KDM7A: variants seen among roughly 807,000 people sequenced by gnomAD.
KDM7A encodes the protein lysine demethylase 7A.
A neutral mutation model predicts 114.8 loss-of-function variants in KDM7A; 28 were observed. That is an observed-to-expected ratio of 0.24 (90% CI 0.18 to 0.33). The LOEUF (loss-of-function observed/expected upper bound fraction) is 0.33. KDM7A is among the 10% of genes least tolerant of loss of function. KDM7A has a pLI of 1.00. For synonymous variants in KDM7A, 423 were observed against 397.8 expected, an observed-to-expected ratio of 1.06 and a Z score of -0.75; for missense variants, 942 against 1,142.5, an observed-to-expected ratio of 0.82 and a Z score of 2.53.
At chr7:140,095,877 A>AAAAT (rs1186237053) in intron 17 of KDM7A, among the ~76,000 whole-genome samples, 9 of 152,178 alleles carry the variant, frequency 5.9e-5, no homozygotes, top group African/African-American at 1.7e-4. Flanking sequence ...AGACAGTCTC[A>AAAAT]AAATAAATAA....
At chr7:140,134,364 G>C (rs968313649) in intron 2 of KDM7A, among the ~76,000 whole-genome samples, 6 of 152,086 alleles carry the variant, frequency 3.9e-5, no homozygotes, top group Non-Finnish European at 5.9e-5. Flanking sequence ...AACACCTATG[G>C]ATCCAGATTC....
chr7:140,135,032 C>T (rs564131103), intron 2 of KDM7A, among the ~76,000 whole-genome samples: 2 of 94,098 alleles, frequency 2.1e-5, no homozygotes, highest in African/African-American at 6.0e-5. Flanking sequence ...GAGCGTAAGT[C>T]CCATTAAAAA....
At chr7:140,156,741 C>T (rs908160319) in intron 1 of KDM7A, among the ~76,000 whole-genome samples, 2 of 152,252 alleles carry the variant, frequency 1.3e-5, no homozygotes, top group African/African-American at 4.8e-5. Flanking sequence ...TGAGCTCCTG[C>T]AGCTAGAGAA....
rs200362953 is a variant in KDM7A, at chr7:140,102,080, G to A, written c.1509C>T (p.Ser503=). ...TCATCTTTCTTCGGGAATGGTATGG[G>A]GAAGTTGCTTCATTTGAGGATCGTG... ...PVSRSSNEAT[S]PYHSRRKMRK... Residue 503 remains serine (S), a synonymous_variant, in exon 12 of 20, where the codon TCC becomes TCT. Coordinates refer to ENST00000397560, the MANE Select transcript of KDM7A (RefSeq NM_030647.2). The A allele has an allele frequency of 1.9e-4, 311 of 1,613,694 alleles. 3 individuals carry two copies. The highest frequency in any genetic ancestry group is 2.4e-4 in the Non-Finnish European group (287 of 1,179,780).
intron 9 of KDM7A, among the ~76,000 whole-genome samples, chr7:140,114,090 A>G (rs1219798452): frequency 2.0e-5 from 3 of 152,224 alleles, no homozygotes; most frequent in South Asian, 4.1e-4. Flanking sequence ...CATAATGACC[A>G]AGGATTCAAT....
chr7:140,171,565 A>AAATATATATT (rs1794640984), intron 1 of KDM7A, among the ~76,000 whole-genome samples: 1 of 115,014 alleles, frequency 8.7e-6, no homozygotes. Flanking sequence ...TTATTTTTAT[A>AAATATATATT]TATTTATATA....
intron 1 of KDM7A, among the ~76,000 whole-genome samples, chr7:140,166,867 C>G (rs1794581909): frequency 6.6e-6 from 1 of 152,156 alleles, no homozygotes; most frequent in South Asian, 2.1e-4. Context: ...TATTACATAT[C>G]AGTTCCCTAA....
At chr7:140,161,536 G>C (rs569160107) in intron 1 of KDM7A, among the ~76,000 whole-genome samples, 1 of 150,774 alleles carries the variant, frequency 6.6e-6, no homozygotes, top group East Asian at 2.0e-4. Context: ...TTGTTTTTTC[G>C]TTTTTTTGTT....
At chr7:140,103,712 G>C (rs1172233596) in intron 11 of KDM7A, among the ~76,000 whole-genome samples, 1 of 152,164 alleles carries the variant, frequency 6.6e-6, no homozygotes, top group Non-Finnish European at 1.5e-5. Context: ...GTCTATCATT[G>C]ATGGACATTT....
chr7:140,168,734 G>A (rs1474190450), intron 1 of KDM7A, among the ~76,000 whole-genome samples: 3 of 152,144 alleles, frequency 2.0e-5, no homozygotes, highest in Admixed American at 2.0e-4. Context: ...AGGCAAAAAA[G>A]AAGTACTATA....
chr7:140,090,807 A>G lies in KDM7A; in HGVS notation c.*287T>C. The G allele has an allele frequency of 2.7e-6, 1 of 371,478 alleles. No individual in the cohort carries two copies. The highest frequency in any genetic ancestry group is 1.1e-4 in the South Asian group (1 of 9,390). 23.0% of individuals were successfully genotyped at this position (371,478 alleles called of 1,614,324 possible). A position where few individuals can be genotyped will look rare whatever the true frequency, so the allele number is the denominator to read the frequency against. On this transcript the variant is annotated 3_prime_UTR_variant, in exon 20 of 20. Transcript: ENST00000397560. ...CCTACCACTGAAAATACATCAAGACACTACCAACAACAAAATAAAATTCAA... is the reference window on the plus strand; with the variant it reads ...CCTACCACTGAAAATACATCAAGACGCTACCAACAACAAAATAAAATTCAA...
At chr7:140,109,344 C>T (rs990377762) in intron 11 of KDM7A, among the ~76,000 whole-genome samples, 16 of 152,254 alleles carry the variant, frequency 1.1e-4, no homozygotes, top group African/African-American at 3.1e-4. Flanking sequence ...TCTTCTGTGT[C>T]GCTCACGCTG....
intron 1 of KDM7A, among the ~76,000 whole-genome samples, chr7:140,153,734 T>G (rs1001689261): frequency 6.6e-6 from 1 of 152,252 alleles, no homozygotes; most frequent in East Asian, 1.9e-4. Flanking sequence ...TCTGGCTGCC[T>G]GTCTAGAGTT....
chr7:140,116,927 C>T (rs1818539702), intron 9 of KDM7A, among the ~76,000 whole-genome samples: 1 of 152,192 alleles, frequency 6.6e-6, no homozygotes, highest in South Asian at 2.1e-4. Context: ...GTGATTCAAC[C>T]TCATTTAACC....
At chr7:140,100,688 A>G (rs1818193048) in intron 12 of KDM7A, among the ~76,000 whole-genome samples, 1 of 20,962 alleles carries the variant, frequency 4.8e-5, no homozygotes, top group Non-Finnish European at 1.0e-4. Flanking sequence ...ATACATATAT[A>G]CATATATATA....
At chr7:140,108,228 T>C (rs2116765916) in intron 11 of KDM7A, among the ~76,000 whole-genome samples, 1 of 152,298 alleles carries the variant, frequency 6.6e-6, no homozygotes, top group African/African-American at 2.4e-5. Context: ...AACATCCTCC[T>C]TTAGCTCAGA....
At chr7:140,156,121 G>A (rs939231008) in intron 1 of KDM7A, among the ~76,000 whole-genome samples, 6 of 152,198 alleles carry the variant, frequency 3.9e-5, no homozygotes, top group African/African-American at 1.2e-4. Flanking sequence ...AAGGAAGGGA[G>A]AAATAAGACA....
At chr7:140,127,743 C>T (rs941630701) in intron 4 of KDM7A, among the ~76,000 whole-genome samples, 160 bp from the exon 5 acceptor site, 4 of 152,152 alleles carry the variant, frequency 2.6e-5, no homozygotes, top group African/African-American at 9.7e-5. Flanking sequence ...TCAAGTTCAA[C>T]TGGACCTTTC....
intron 12 of KDM7A, among the ~76,000 whole-genome samples, chr7:140,100,689 C>CATAT (rs1392915165): frequency 1.9e-5 from 1 of 54,010 alleles, no homozygotes; most frequent in Non-Finnish European, 3.6e-5. Context: ...TACATATATA[C>CATAT]ATATATATAT....
Sources: allele counts gnomAD v4.1 joint callset (sites outside exome capture counted in the v4.1 genomes callset), GRCh38; gene constraint gnomAD v4.1.1; transcripts MANE v1.5; gene names NCBI Gene and HGNC (gene_info 2026-07-23, HGNC 2026-07-21).